Variants in ZNF804A observed in about 807,000 individuals in gnomAD.
ZNF804A encodes zinc finger protein 804A.
Under a neutral mutation model 16.5 loss-of-function variants are expected in ZNF804A, and 2 were observed. That is an observed-to-expected ratio of 0.12 (90% confidence interval 0.05 to 0.38). ZNF804A has a LOEUF of 0.38. Ranked by LOEUF, ZNF804A falls within the 10% of genes least tolerant of loss-of-function variation. The probability of loss-of-function intolerance (pLI) is 0.99; values close to 1 mark genes in which losing one functional copy is unlikely to be tolerated. For synonymous variants in ZNF804A, 534 were observed against 489.6 expected, an observed-to-expected ratio of 1.09 and a Z score of -1.20; for missense variants, 1,473 against 1,390.7, an observed-to-expected ratio of 1.06 and a Z score of -0.94.
Position 184,808,573 on chromosome 2 carries a change from C to T in ZNF804A, c.112-57796C>T, listed in dbSNP as rs200769409. ...TATATCTTAGTTTTAAAGCATATAT[C>T]ATTTAGTTTTCAAATTATTTAAATA... On this transcript the variant is annotated intron_variant, in intron 1 of 3. Coordinates refer to ENST00000302277, the MANE Select transcript of ZNF804A (RefSeq NM_194250.2). 3.3e-5 allele frequency among the ~76,000 whole-genome samples: 5 copies of T among 151,372 alleles called. No individual in the cohort carries two copies. The East Asian group carries it at 9.7e-4, about 29-fold the overall frequency.
intron 1 of ZNF804A, among the ~76,000 whole-genome samples, chr2:184,854,022 A>C (rs1695647781): frequency 1.3e-5 from 2 of 151,914 alleles, no homozygotes; most frequent in South Asian, 4.1e-4. Context: ...AGAATTCAGC[A>C]GTAAAGCCAT....
chr2:184,676,937 AT>A (rs1258272187), intron 1 of ZNF804A, among the ~76,000 whole-genome samples: 4 of 151,894 alleles, frequency 2.6e-5, no homozygotes, highest in African/African-American at 9.7e-5. Flanking sequence ...TATTAAAAAA[AT>A]ATTTATTTAA....
chr2:184,879,302 C>T (rs902537337), intron 2 of ZNF804A, among the ~76,000 whole-genome samples: 6 of 152,104 alleles, frequency 3.9e-5, no homozygotes, highest in East Asian at 1.9e-4. Context: ...CTTTAACTCA[C>T]TTAAATTATG....
chr2:184,810,435 A>AT (rs988517638), intron 1 of ZNF804A, among the ~76,000 whole-genome samples: 1 of 103,548 alleles, frequency 9.7e-6, no homozygotes, highest in Non-Finnish European at 2.1e-5. Context: ...GTCATAGTTG[A>AT]TTTTTTCTTA....
intron 1 of ZNF804A, among the ~76,000 whole-genome samples, chr2:184,857,526 C>T (rs900918868): frequency 2.6e-5 from 4 of 151,926 alleles, no homozygotes; most frequent in African/African-American, 9.7e-5. Flanking sequence ...TCCCATGTTT[C>T]CTTATTGATT....
At chr2:184,604,207 T>C (rs1203056696) in intron 1 of ZNF804A, among the ~76,000 whole-genome samples, 2 of 133,168 alleles carry the variant, frequency 1.5e-5, no homozygotes, top group Non-Finnish European at 3.1e-5. Flanking sequence ...TCTGGCTCTT[T>C]TTGCCCAGGC....
chr2:184,620,222 A>G (rs1691395450), intron 1 of ZNF804A, among the ~76,000 whole-genome samples: 1 of 151,812 alleles, frequency 6.6e-6, no homozygotes. Context: ...TGTTTGCCAA[A>G]TATTGCGTTA....
intron 2 of ZNF804A, among the ~76,000 whole-genome samples, chr2:184,929,871 T>C (rs959893208): frequency 2.0e-5 from 3 of 152,202 alleles, no homozygotes; most frequent in Non-Finnish European, 4.4e-5. Context: ...AGCACAGATA[T>C]CACTTTTACC....
intron 1 of ZNF804A, among the ~76,000 whole-genome samples, chr2:184,856,683 G>A (rs1172932998): frequency 6.6e-6 from 1 of 151,978 alleles, no homozygotes; most frequent in Non-Finnish European, 1.5e-5. Context: ...CTTTCTGTTG[G>A]TTCAGTATAT....
intron 2 of ZNF804A, among the ~76,000 whole-genome samples, chr2:184,873,279 G>A (rs541041847): frequency 6.6e-6 from 1 of 152,264 alleles, no homozygotes; most frequent in South Asian, 2.1e-4. Flanking sequence ...ATTGAACCCA[G>A]GAGTTTGAGA....
intron 1 of ZNF804A, among the ~76,000 whole-genome samples, chr2:184,672,361 G>A (rs1476676936): frequency 6.6e-6 from 1 of 152,186 alleles, no homozygotes; most frequent in Admixed American, 6.5e-5. Context: ...AGAGATGACT[G>A]ATCCACTGAC....
chr2:184,740,534 T>C (rs566224831), intron 1 of ZNF804A, among the ~76,000 whole-genome samples: 1 of 152,286 alleles, frequency 6.6e-6, no homozygotes, highest in South Asian at 2.1e-4. Context: ...TTTTTCAAAA[T>C]TATCTTTCCC....
chr2:184,693,320 A>G (rs1356365426), intron 1 of ZNF804A, among the ~76,000 whole-genome samples: 1 of 152,176 alleles, frequency 6.6e-6, no homozygotes, highest in East Asian at 1.9e-4. Flanking sequence ...TATGGCATAC[A>G]CCTCATTTTA....
intron 1 of ZNF804A, among the ~76,000 whole-genome samples, chr2:184,695,583 A>T (rs1443588374): frequency 5.3e-5 from 8 of 150,476 alleles, no homozygotes; most frequent in Non-Finnish European, 7.4e-5. Context: ...TGTTCAGCTA[A>T]TTTTTTTACA....
intron 1 of ZNF804A, among the ~76,000 whole-genome samples, chr2:184,657,371 G>A (rs1166710369): frequency 6.6e-6 from 1 of 152,158 alleles, no homozygotes; most frequent in Non-Finnish European, 1.5e-5. Flanking sequence ...ATAGACTTGA[G>A]CCACAGCACC....
At chr2:184,852,464 C>CA (rs1491516711) in intron 1 of ZNF804A, among the ~76,000 whole-genome samples, 1 of 110,774 alleles carries the variant, frequency 9.0e-6, no homozygotes, top group Non-Finnish European at 1.9e-5. Flanking sequence ...TTTGACTATG[C>CA]TTTTTTTTTT....
At chr2:184,671,226 A>G (rs966574925) in intron 1 of ZNF804A, among the ~76,000 whole-genome samples, 3 of 152,142 alleles carry the variant, frequency 2.0e-5, no homozygotes, top group Non-Finnish European at 4.4e-5. Context: ...CTGTGTAGAC[A>G]TTATGTTTGC....
chr2:184,687,528 G>T (rs1692655725), intron 1 of ZNF804A, among the ~76,000 whole-genome samples: 1 of 152,104 alleles, frequency 6.6e-6, no homozygotes, highest in South Asian at 2.1e-4. Flanking sequence ...TTATTTAAAA[G>T]ACATAACACA....
Position 184,933,674 on chromosome 2 carries a change from A to G in ZNF804A, c.327A>G (p.Lys109=), listed in dbSNP as rs1356113186. 6.2e-7 allele frequency: 1 copy of G among 1,611,422 alleles called. No individual in the cohort carries two copies. The highest frequency in any genetic ancestry group is 1.3e-5 in the African/African-American group (1 of 74,710). The change falls in exon 3 of 4, where the codon AAA becomes AAG. Residue 109 remains lysine, a synonymous_variant. Coordinates refer to ENST00000302277, the MANE Select transcript of ZNF804A (RefSeq NM_194250.2). ...CTAAATCCAGGAAAGATGAAAGAAA[A>G]CAGGAAAAGGCACTCCAACGCCTGC... The part of the protein sequence containing the change: ...VASKSRKDER[K]QEKALQRLHK...
Sources: gnomAD v4.1 joint callset for allele counts (sites outside exome capture counted in the v4.1 genomes callset) on GRCh38, gnomAD v4.1.1 for gene constraint, MANE v1.5 for transcripts, NCBI Gene and HGNC (gene_info 2026-07-23, HGNC 2026-07-21) for gene names.